The following CACNA1B variants were observed in gnomAD, a reference collection of about 807,000 sequenced individuals.
CACNA1B encodes voltage-dependent N-type calcium channel subunit alpha-1B.
CACNA1B carries 70 observed loss-of-function variants against 247.2 expected under a neutral mutation model. The ratio of observed to expected loss-of-function variants is 0.28; its 90% CI spans 0.23 to 0.35. The LOEUF (loss-of-function observed/expected upper bound fraction) is 0.35. CACNA1B is among the 10% of genes least tolerant of loss of function. The pLI is 1.00. For missense variants in CACNA1B, 2,367 were observed against 3,197.4 expected, an observed-to-expected ratio of 0.74 and a Z score of 6.26; for synonymous variants, 1,231 against 1,294.4, an observed-to-expected ratio of 0.95 and a Z score of 1.05.
Position 137,881,201 on chromosome 9 carries a change from G to A in CACNA1B, c.391-1543G>A, listed in dbSNP as rs1353063616. On this transcript the variant is annotated intron_variant, in intron 2 of 46. Transcript: ENST00000371372. The surrounding 1 kb of genome is among the most constrained non-coding windows in gnomAD (Gnocchi z 4.3). ...CAGCAACCCCACCCCTTGGGAAAAGGGGTCCCTCCTAAACAAATCAGACCA... is the reference window on the plus strand; with the variant it reads ...CAGCAACCCCACCCCTTGGGAAAAGAGGTCCCTCCTAAACAAATCAGACCA... 2.0e-5 allele frequency among the ~76,000 whole-genome samples: 3 copies of A among 152,102 alleles called. No individual in the cohort carries two copies. The highest frequency in any genetic ancestry group is 2.0e-4 in the Admixed American group (3 of 15,278).
chr9:138,022,940 C>A (rs980134726), intron 18 of CACNA1B, 71 bp from the exon 19 acceptor site: 1 of 1,432,886 alleles, frequency 7.0e-7, no homozygotes, highest in Non-Finnish European at 9.1e-7. Context: ...GCTGTGTGTG[C>A]ATTGTGGCCT....
intron 39 of CACNA1B, among the ~76,000 whole-genome samples, chr9:138,108,627 T>G (rs1039963817): frequency 6.6e-6 from 1 of 151,988 alleles, no homozygotes; most frequent in Non-Finnish European, 1.5e-5. Flanking sequence ...TTTTAAATCT[T>G]CAACATAATC....
intron 6 of CACNA1B, among the ~76,000 whole-genome samples, chr9:137,926,972 T>C (rs113592665): frequency 0.011 from 1,626 of 152,324 alleles, 9 homozygotes; most frequent in African/African-American, 0.013. Context: ...TTTTCTCCCA[T>C]TCTATGTGTG....
chr9:138,073,726 G>T lies in CACNA1B; in HGVS notation c.4791+122G>T. The T allele has an allele frequency of 1.5e-6, 1 of 689,642 alleles. No homozygotes were observed. Among genetic ancestry groups the T allele is most frequent in the Non-Finnish European group, 2.6e-6 (1 of 385,166 alleles). The allele number at this position is 689,642 out of a possible 1,614,324, so 42.7% of individuals were successfully genotyped here. A position where few individuals can be genotyped will look rare whatever the true frequency, so the allele number is the denominator to read the frequency against. ...GAGGGTATGGCATGCAGGTTTCGTG[G>T]TTGTATGCATTGTCCTGTTGTCATT... On this transcript the variant is annotated intron_variant, in intron 33 of 46. Transcript: ENST00000371372. This position sits in a 1 kb window ranked among gnomAD's most constrained non-coding sequence, Gnocchi z 6.4.
Position 138,012,206 on chromosome 9 carries a change from G to A in CACNA1B, c.2161-923G>A, listed in dbSNP as rs1589067375. On this transcript the variant is annotated intron_variant, in intron 17 of 46. Coordinates refer to ENST00000371372, the MANE Select transcript of CACNA1B (RefSeq NM_000718.4). This position sits in a 1 kb window ranked among gnomAD's most constrained non-coding sequence, Gnocchi z 4.2. ...TTCTGACAGCCACAGCTGGGGAAAT[G>A]GGGACAGACATGGTCTGCTGGCTCC... Among the ~76,000 whole-genome samples, 2 of 152,324 alleles carry A rather than the reference G, an allele frequency of 1.3e-5. No homozygotes were observed. Among genetic ancestry groups the A allele is most frequent in the Non-Finnish European group, 2.9e-5 (2 of 68,020 alleles).
intron 10 of CACNA1B, among the ~76,000 whole-genome samples, chr9:137,963,270 G>A (rs563181718): frequency 1.3e-5 from 2 of 152,256 alleles, no homozygotes; most frequent in South Asian, 2.1e-4. Flanking sequence ...GAGCCCATGT[G>A]TGTCTTTGCA....
chr9:138,071,955 TCCAC>T (rs1960148713), intron 32 of CACNA1B, among the ~76,000 whole-genome samples: 2 of 151,990 alleles, frequency 1.3e-5, no homozygotes, highest in Non-Finnish European at 2.9e-5. Flanking sequence ...ACTGCGGCCC[TCCAC>T]CCCTGCACCC....
At chr9:137,878,778 CG>C (rs1264189752) in intron 1 of CACNA1B, among the ~76,000 whole-genome samples, 3 of 152,146 alleles carry the variant, frequency 2.0e-5, no homozygotes, top group Non-Finnish European at 4.4e-5. Context: ...CGGGCGGAGC[CG>C]GGCCGGAGGC....
At chr9:137,940,134 A>G in intron 6 of CACNA1B, among the ~76,000 whole-genome samples, 1 of 152,186 alleles carries the variant, frequency 6.6e-6, no homozygotes, top group Non-Finnish European at 1.5e-5. Context: ...ACAAAAAGCT[A>G]GTTCTTTGAT....
chr9:137,938,555 G>A (rs1957695745), intron 6 of CACNA1B, among the ~76,000 whole-genome samples: 1 of 152,008 alleles, frequency 6.6e-6, no homozygotes, highest in Non-Finnish European at 1.5e-5. Flanking sequence ...GTAAAGGTGT[G>A]GAAAAAGACT....
rs1404156320 is a variant in CACNA1B at position 137,990,671 on chromosome 9, T to C, written c.1974+3817T>C. Reference sequence around the variant, plus strand: ...ATAAAACCAGCACACTCAACAAAAATACAGCCAAGGACCCTCACAGAGTCC... The same window carrying C: ...ATAAAACCAGCACACTCAACAAAAACACAGCCAAGGACCCTCACAGAGTCC... On this transcript the variant is annotated intron_variant, in intron 15 of 46. Coordinates refer to ENST00000371372, the MANE Select transcript of CACNA1B (RefSeq NM_000718.4). The surrounding 1 kb of genome is among the most constrained non-coding windows in gnomAD (Gnocchi z 4.5). Among the ~76,000 whole-genome samples the C allele has an allele frequency of 6.7e-6, 1 of 149,924 alleles. No homozygotes were observed. The highest frequency in any genetic ancestry group is 1.5e-5 in the Non-Finnish European group (1 of 67,780).
At chr9:138,077,984 C>T in intron 35 of CACNA1B, 130 bp from the exon 36 acceptor site, 7 of 694,364 alleles carry the variant, frequency 1.0e-5, no homozygotes, top group South Asian at 8.2e-5. Flanking sequence ...GCATCTGTGA[C>T]CCAGGCCTGG....
chr9:137,959,496 C>T (rs4427247), intron 10 of CACNA1B, among the ~76,000 whole-genome samples: 56,289 of 151,804 alleles, frequency 0.37, 14,699 homozygotes, highest in African/African-American at 0.73. Context: ...AAAATGTCTT[C>T]ATCTATGGTT....
At chr9:138,095,155 A>G (rs1286732039) in intron 36 of CACNA1B, among the ~76,000 whole-genome samples, 5 of 152,252 alleles carry the variant, frequency 3.3e-5, no homozygotes, top group Admixed American at 2.6e-4. Flanking sequence ...AAAGGACATT[A>G]TCAAATATGT....
intron 31 of CACNA1B, among the ~76,000 whole-genome samples, chr9:138,068,860 C>T (rs573702278): frequency 6.6e-6 from 1 of 152,336 alleles, no homozygotes; most frequent in South Asian, 2.1e-4. Flanking sequence ...TGGTGTAGGG[C>T]AGAGGCCTTG....
rs1242156038 is a variant in CACNA1B, at chr9:137,914,881, G to A, written c.775+75G>A. 1.3e-6 allele frequency: 2 copies of A among 1,507,392 alleles called. No homozygotes were observed. Among genetic ancestry groups the A allele is most frequent in the Non-Finnish European group, 1.8e-6 (2 of 1,117,744 alleles). The allele number at this position is 1,507,392 out of a possible 1,614,324, so 93.4% of individuals were successfully genotyped here. On this transcript the variant is annotated intron_variant, in intron 5 of 46. Coordinates refer to ENST00000371372, the MANE Select transcript of CACNA1B (RefSeq NM_000718.4). The surrounding 1 kb of genome is among the most constrained non-coding windows in gnomAD (Gnocchi z 4.3). Reference sequence around the variant, plus strand: ...CATCCAGGAGATGGGCACTGTTCTAGGTGCTAGAGGGGCCTTCTTGGTGCC... The same window carrying A: ...CATCCAGGAGATGGGCACTGTTCTAAGTGCTAGAGGGGCCTTCTTGGTGCC...
chr9:137,949,468 G>T (rs1957853411), intron 6 of CACNA1B, among the ~76,000 whole-genome samples: 1 of 149,942 alleles, frequency 6.7e-6, no homozygotes, highest in Admixed American at 6.7e-5. Context: ...GTGTGTGTGT[G>T]GTGTATGCAT....
intron 20 of CACNA1B, among the ~76,000 whole-genome samples, chr9:138,028,596 A>T (rs376897277): frequency 1.2e-4 from 19 of 152,234 alleles, no homozygotes; most frequent in African/African-American, 4.6e-4. Context: ...TCTGAAAAGG[A>T]GTTTGGAGGA....
chr9:138,043,753 G>C, intron 20 of CACNA1B, 21 bp from the exon 21 acceptor site: 1 of 1,613,588 alleles, frequency 6.2e-7, no homozygotes, highest in Non-Finnish European at 8.5e-7. Context: ...CCCCTTACTC[G>C]GGGGCCCTGT....
Sources: allele counts gnomAD v4.1 joint callset (sites outside exome capture counted in the v4.1 genomes callset), GRCh38; gene constraint gnomAD v4.1.1; non-coding constraint Gnocchi (gnomAD v3.1); transcripts MANE v1.5; gene names NCBI Gene and HGNC (gene_info 2026-07-23, HGNC 2026-07-21).